The following GPC6 variants were observed in gnomAD, a reference collection of about 807,000 sequenced individuals.
GPC6 encodes glypican-6.
In GPC6, 14 loss-of-function variants were observed where a neutral mutation model predicts 55.2. The observed-to-expected ratio is 0.25, with a 90% confidence interval of 0.17 to 0.40. GPC6 has a LOEUF of 0.40. Among genes scored for constraint, GPC6 ranks in the 10% least tolerant of loss-of-function variants. The probability of loss-of-function intolerance (pLI) is 1.00; values close to 1 mark genes in which losing one functional copy is unlikely to be tolerated. For missense variants in GPC6, 641 were observed against 708.5 expected (o/e 0.90, Z 1.08); for synonymous variants, 278 against 259.6 (o/e 1.07, Z -0.68).
At chr13:93,869,055 T>A (rs866472278) in intron 3 of GPC6, among the ~76,000 whole-genome samples, 2 of 151,838 alleles carry the variant, frequency 1.3e-5, no homozygotes, top group Non-Finnish European at 2.9e-5. Flanking sequence ...CAGCTCCTTT[T>A]AATATACCCG....
chr13:93,918,510 G>A (rs139897264), intron 3 of GPC6, among the ~76,000 whole-genome samples: 3,696 of 152,058 alleles, frequency 0.024, 60 homozygotes, highest in Middle Eastern at 0.051. Flanking sequence ...ACATTAAAAC[G>A]TGCCTCGACT....
At chr13:93,923,161 T>C (rs1210637581) in intron 3 of GPC6, among the ~76,000 whole-genome samples, 1 of 152,236 alleles carries the variant, frequency 6.6e-6, no homozygotes, top group African/African-American at 2.4e-5. Context: ...TTTTTTGTTG[T>C]GTTTTCATTT....
At chr13:93,940,620 T>C (rs1363479533) in intron 3 of GPC6, among the ~76,000 whole-genome samples, 1 of 152,054 alleles carries the variant, frequency 6.6e-6, no homozygotes, top group Non-Finnish European at 1.5e-5. Context: ...ACCAAACAAA[T>C]GGAATGTGTG....
At chr13:94,106,903 A>T (rs1281094336) in intron 4 of GPC6, among the ~76,000 whole-genome samples, 1 of 152,158 alleles carries the variant, frequency 6.6e-6, no homozygotes, top group African/African-American at 2.4e-5. Context: ...AACTCAGCTG[A>T]CTTTGGAAAG....
chr13:93,698,183 G>A (rs1428410699), intron 2 of GPC6, among the ~76,000 whole-genome samples: 2 of 152,072 alleles, frequency 1.3e-5, no homozygotes, highest in African/African-American at 4.8e-5. Flanking sequence ...GAGTGCTTGT[G>A]AGGTATGCTT....
intron 1 of GPC6, among the ~76,000 whole-genome samples, chr13:93,270,230 A>G (rs1877470479): frequency 6.8e-6 from 1 of 146,254 alleles, no homozygotes; most frequent in Admixed American, 7.0e-5. Flanking sequence ...AGCCTGGGTG[A>G]TAAAGTGAGA....
chr13:93,540,919 A>G (rs1882268754), intron 1 of GPC6, among the ~76,000 whole-genome samples: 1 of 152,224 alleles, frequency 6.6e-6, no homozygotes, highest in South Asian at 2.1e-4. Context: ...TAGCTTCCAC[A>G]TATGAATGAG....
At chr13:93,574,742 G>A (rs1210442724) in intron 2 of GPC6, among the ~76,000 whole-genome samples, 1 of 152,032 alleles carries the variant, frequency 6.6e-6, no homozygotes, top group African/African-American at 2.4e-5. Context: ...ATACTCCACT[G>A]CTATCCCCAC....
At chr13:93,647,274 T>C (rs1369335668) in intron 2 of GPC6, among the ~76,000 whole-genome samples, 2 of 152,162 alleles carry the variant, frequency 1.3e-5, no homozygotes, top group African/African-American at 2.4e-5. Flanking sequence ...GTTTCTCTTT[T>C]TTCCAGCTAA....
intron 3 of GPC6, among the ~76,000 whole-genome samples, chr13:93,879,121 C>T (rs944483042): frequency 5.9e-5 from 9 of 152,064 alleles, no homozygotes; most frequent in South Asian, 4.1e-4. Flanking sequence ...TCCAGTTGAT[C>T]GCATCGGCTC....
At chr13:93,923,234 A>T (rs1172524082) in intron 3 of GPC6, among the ~76,000 whole-genome samples, 1 of 152,206 alleles carries the variant, frequency 6.6e-6, no homozygotes, top group Non-Finnish European at 1.5e-5. Flanking sequence ...TGGTAGTAGC[A>T]TTATCATTTG....
rs1217252629 is a variant in GPC6 at position 94,403,213 on chromosome 13, G to A, written c.1664G>A (p.Arg555Lys). The change falls in exon 9 of 9, where the codon AGA becomes AAA. Residue 555 changes from arginine (R) to lysine (K), a missense_variant. Physicochemically the swap from Arg to Lys is conservative, Grantham distance 26. Transcript: ENST00000377047. ...CIVLALQRLCR is the reference protein window; with the variant it reads ...CIVLALQRLCK ...GTCCTGGCACTGCAGAGACTGTGCA[G>A]ATAATCTTGGGTTTTTGGTCAGATG... 6.8e-6 allele frequency: 11 copies of A among 1,611,516 alleles called. No homozygotes were observed. The highest frequency in any genetic ancestry group is 9.3e-6 in the Non-Finnish European group (11 of 1,177,746).
chr13:93,821,214 A>T (rs115722163), intron 2 of GPC6, among the ~76,000 whole-genome samples: 5,169 of 152,258 alleles, frequency 0.034, 283 homozygotes, highest in African/African-American at 0.12. Flanking sequence ...CTTTGTATTC[A>T]AACAGAAAAA....
chr13:93,336,473 G>A (rs1429127997), intron 1 of GPC6, among the ~76,000 whole-genome samples: 1 of 152,152 alleles, frequency 6.6e-6, no homozygotes, highest in African/African-American at 2.4e-5. Context: ...GATTATTGCT[G>A]AAAATGATGA....
intron 1 of GPC6, among the ~76,000 whole-genome samples, chr13:93,347,744 A>T (rs1880479692): frequency 6.6e-6 from 1 of 152,186 alleles, no homozygotes; most frequent in African/African-American, 2.4e-5. Context: ...CAAGTCTTCA[A>T]TGCACTCCAG....
chr13:93,425,920 T>G (rs1877109214), intron 1 of GPC6, among the ~76,000 whole-genome samples: 1 of 152,144 alleles, frequency 6.6e-6, no homozygotes, highest in African/African-American at 2.4e-5. Context: ...AGCCCACGGC[T>G]TTATTTCCTT....
At chr13:93,318,504 C>G (rs545025417) in intron 1 of GPC6, among the ~76,000 whole-genome samples, 1 of 152,020 alleles carries the variant, frequency 6.6e-6, no homozygotes, top group South Asian at 2.1e-4. Flanking sequence ...TATCTCTATA[C>G]CCTCCTGAAT....
Position 94,303,765 on chromosome 13 carries a change from C to CAAA in GPC6, c.1009-2197_1009-2195dup, listed in dbSNP as rs11300129. Among the ~76,000 whole-genome samples, 913 of 98,250 alleles carry CAAA rather than the reference C, an allele frequency of 9.3e-3. 8 individuals are homozygous for CAAA. Among genetic ancestry groups the CAAA allele is most frequent in the African/African-American group, 0.026 (823 of 32,160 alleles). The allele number at this position is 98,250 out of a possible 152,430, so 64.5% of individuals were successfully genotyped here. ...ATGTTCTGTAATAATTAACTCCCTC[C>CAAA]AAAAAAAAAAAAAAAAAAAATTCCA... On this transcript the variant is annotated intron_variant, in intron 5 of 8. Coordinates refer to ENST00000377047, the MANE Select transcript of GPC6 (RefSeq NM_005708.5).
chr13:94,009,796 C>T (rs901590560), intron 3 of GPC6, among the ~76,000 whole-genome samples: 2 of 152,078 alleles, frequency 1.3e-5, no homozygotes, highest in African/African-American at 2.4e-5. Flanking sequence ...GAGTTATGTA[C>T]GTTTAATGAA....
Sources: gnomAD v4.1 joint callset for allele counts (sites outside exome capture counted in the v4.1 genomes callset) on GRCh38, gnomAD v4.1.1 for gene constraint, MANE v1.5 for transcripts, NCBI Gene and HGNC (gene_info 2026-07-23, HGNC 2026-07-21) for gene names.